Variants in CDH4 observed in about 807,000 individuals in gnomAD.
The protein encoded by CDH4 is cadherin 4.
CDH4 carries 33 observed loss-of-function variants against 86.0 expected under a neutral mutation model. The ratio of observed to expected loss-of-function variants is 0.38; its 90% CI spans 0.29 to 0.51. CDH4 has a LOEUF of 0.51. CDH4 is among the 20% of genes least tolerant of loss of function. CDH4 has a pLI of 0.86. For synonymous variants in CDH4, 555 were observed against 549.4 expected (o/e 1.01, Z -0.14); for missense variants, 1,114 against 1,307.4 (o/e 0.85, Z 2.28).
chr20:61,699,410 T>G (rs1025547445), intron 2 of CDH4, among the ~76,000 whole-genome samples: 5 of 152,182 alleles, frequency 3.3e-5, no homozygotes, highest in African/African-American at 4.8e-5. Flanking sequence ...GGTTGCCAGG[T>G]CAGCGGGCAC....
intron 2 of CDH4, among the ~76,000 whole-genome samples, chr20:61,673,191 G>A (rs1342533609): frequency 6.6e-6 from 1 of 152,172 alleles, no homozygotes; most frequent in Non-Finnish European, 1.5e-5. Flanking sequence ...TGCCCCTCCT[G>A]CACAGTGACC....
intron 2 of CDH4, among the ~76,000 whole-genome samples, chr20:61,267,903 G>T (rs540214494): frequency 6.6e-6 from 1 of 152,220 alleles, no homozygotes; most frequent in African/African-American, 2.4e-5. Flanking sequence ...GTTTCCAGCA[G>T]CTGTGTGTCT....
At position 61,925,365 on chromosome 20, in the gene CDH4, G is replaced by A. The variant is rs921873368; in HGVS notation, c.1771+889G>A. ...AACCGAAGATCAGTCCAGTACCACC[G>A]CTTACCAGTGGGAAAAGACGTGACC... On this transcript the variant is annotated intron_variant, in intron 11 of 15. Transcript: ENST00000614565. 2.1e-4 allele frequency among the ~76,000 whole-genome samples: 32 copies of A among 152,320 alleles called. 1 individual carries two copies. The highest frequency in any genetic ancestry group is 3.4e-3 in the Middle Eastern group (1 of 294).
chr20:61,572,996 GGACGGATGGATGGATT>G (rs1290017021), intron 2 of CDH4, among the ~76,000 whole-genome samples: 8 of 148,268 alleles, frequency 5.4e-5, no homozygotes, highest in Admixed American at 2.0e-4. Context: ...ATAGACGGAC[GGACGGATGGATGGATT>G]GATGGATGGA....
chr20:61,870,186 C>T (rs1327416077), intron 6 of CDH4, among the ~76,000 whole-genome samples: 2 of 152,180 alleles, frequency 1.3e-5, no homozygotes, highest in Non-Finnish European at 2.9e-5. Context: ...TCCTGGACCC[C>T]AGCCCTGCTC....
intron 2 of CDH4, among the ~76,000 whole-genome samples, chr20:61,333,449 C>T (rs2084596729): frequency 6.6e-6 from 1 of 152,202 alleles, no homozygotes; most frequent in Non-Finnish European, 1.5e-5. Context: ...CATTCTTTCA[C>T]TACAAAGGTC....
chr20:61,628,765 C>G (rs911177232), intron 2 of CDH4, among the ~76,000 whole-genome samples: 1 of 152,210 alleles, frequency 6.6e-6, no homozygotes, highest in Non-Finnish European at 1.5e-5. Context: ...AAGACAGAGC[C>G]TGCTCCCCAG....
chr20:61,902,965 G>A lies in CDH4; in HGVS notation c.1189-7457G>A, dbSNP rs1011596461. Among the ~76,000 whole-genome samples the A allele has an allele frequency of 6.9e-6, 1 of 144,228 alleles. No homozygotes were observed. The highest frequency in any genetic ancestry group is 1.5e-5 in the Non-Finnish European group (1 of 66,796). The allele number at this position is 144,228 out of a possible 152,430, so 94.6% of individuals were successfully genotyped here. A position where few individuals can be genotyped will look rare whatever the true frequency, so the allele number is the denominator to read the frequency against. On this transcript the variant is annotated intron_variant, in intron 8 of 15. Coordinates refer to ENST00000614565, the MANE Select transcript of CDH4 (RefSeq NM_001794.5). This position sits in a 1 kb window ranked among gnomAD's most constrained non-coding sequence, Gnocchi z 4.6. The stretch of plus-strand genomic sequence containing the variant: ...GCCCAGGAGTTCGAGGCTGCAGTGA[G>A]GTGTGATCATGCCACTAAACTCCAG...
chr20:61,741,557 T>C (rs923262224), intron 2 of CDH4, among the ~76,000 whole-genome samples: 21 of 152,094 alleles, frequency 1.4e-4, no homozygotes, highest in Admixed American at 2.6e-4. Context: ...CATGGCGTGA[T>C]CTCGGCTCAC....
At chr20:61,750,798 T>G (rs2088483137) in intron 3 of CDH4, among the ~76,000 whole-genome samples, 1 of 152,212 alleles carries the variant, frequency 6.6e-6, no homozygotes, top group Admixed American at 6.5e-5. Flanking sequence ...TTAGCAAGGG[T>G]GCTGGATGTA....
intron 7 of CDH4, among the ~76,000 whole-genome samples, chr20:61,874,300 A>T (rs1600727870): frequency 1.3e-5 from 2 of 151,858 alleles, no homozygotes; most frequent in African/African-American, 4.8e-5. Context: ...CTCCAAGGAG[A>T]CCCACCCCAC....
At chr20:61,925,554 A>G (rs6061897) in intron 11 of CDH4, among the ~76,000 whole-genome samples, 2,858 of 152,270 alleles carry the variant, frequency 0.019, 87 homozygotes, top group African/African-American at 0.065. Context: ...CTGTTTGCCG[A>G]GTACCGGCCG....
intron 2 of CDH4, among the ~76,000 whole-genome samples, chr20:61,481,467 T>C (rs937958621): frequency 5.3e-5 from 8 of 152,248 alleles, no homozygotes; most frequent in African/African-American, 1.9e-4. Context: ...GCCCAGGCTT[T>C]ATTTCTGTTG....
chr20:61,758,776 C>A (rs887419348), intron 3 of CDH4, among the ~76,000 whole-genome samples: 1 of 152,214 alleles, frequency 6.6e-6, no homozygotes, highest in African/African-American at 2.4e-5. Context: ...CTGCCCGCCT[C>A]CCCTGCAGGC....
In CDH4 at chr20:61,703,306, G is replaced by C. The variant is rs1451468778; in HGVS notation, c.170-40257G>C. On this transcript the variant is annotated intron_variant, in intron 2 of 15. Transcript: ENST00000614565. This position sits in a 1 kb window ranked among gnomAD's most constrained non-coding sequence, Gnocchi z 4.3. ...TGAGCATCATGAGGCATTCATCCTA[G>C]TTTAAGGAGACGGGCAGTACACACC... is the stretch of plus-strand genomic sequence containing the variant. 1.3e-5 allele frequency among the ~76,000 whole-genome samples: 2 copies of C among 152,178 alleles called. No homozygotes were observed. The highest frequency in any genetic ancestry group is 2.9e-5 in the Non-Finnish European group (2 of 68,036).
chr20:61,665,186 G>A (rs1398813931), intron 2 of CDH4, among the ~76,000 whole-genome samples: 10 of 152,226 alleles, frequency 6.6e-5, no homozygotes, highest in Admixed American at 5.2e-4. Context: ...TGATAGTGGC[G>A]TCTTGGTCAC....
At chr20:61,876,453 G>A (rs1389511377) in intron 7 of CDH4, among the ~76,000 whole-genome samples, 13 of 152,336 alleles carry the variant, frequency 8.5e-5, no homozygotes, top group African/African-American at 3.1e-4. Context: ...TGGTTCTACT[G>A]AGCGACCGGA....
chr20:61,862,520 G>A (rs570117016), intron 6 of CDH4, among the ~76,000 whole-genome samples: 17 of 152,320 alleles, frequency 1.1e-4, no homozygotes, highest in Admixed American at 5.2e-4. Flanking sequence ...GAGGCCAGGC[G>A]TCTCGTCCAG....
intron 2 of CDH4, among the ~76,000 whole-genome samples, chr20:61,523,201 C>G (rs1445926541): frequency 6.6e-6 from 1 of 152,238 alleles, no homozygotes; most frequent in Non-Finnish European, 1.5e-5. Flanking sequence ...CCTCAGTTTC[C>G]TCATTGCTGC....
Sources: gnomAD v4.1 joint callset for allele counts (sites outside exome capture counted in the v4.1 genomes callset) on GRCh38, gnomAD v4.1.1 for gene constraint, Gnocchi (gnomAD v3.1) non-coding constraint, MANE v1.5 for transcripts, NCBI Gene and HGNC (gene_info 2026-07-23, HGNC 2026-07-21) for gene names.